The following SV2B variants were observed in gnomAD, a reference collection of about 807,000 sequenced individuals.
SV2B encodes the protein solute carrier family 22 member B2.
A neutral mutation model predicts 73.9 loss-of-function variants in SV2B; 41 were observed. That is an observed-to-expected ratio of 0.56 (90% CI 0.43 to 0.72). The LOEUF (loss-of-function observed/expected upper bound fraction) is 0.72, where lower values mean the gene tolerates loss of function less well. SV2B is among the 30% of genes least tolerant of loss of function. The pLI, the probability that SV2B is intolerant of heterozygous loss-of-function variation, is 0.00. For missense variants in SV2B, 764 were observed against 857.8 expected, an observed-to-expected ratio of 0.89 and a Z score of 1.37; for synonymous variants, 314 against 314.2, an observed-to-expected ratio of 1.00 and a Z score of 0.01.
At chr15:91,212,230 C>A (rs1212888556) in intron 1 of SV2B, among the ~76,000 whole-genome samples, 3 of 152,160 alleles carry the variant, frequency 2.0e-5, no homozygotes, top group African/African-American at 4.8e-5. Flanking sequence ...AAAACAAAAG[C>A]AAGAATGAAA....
rs2046585115 is a variant in SV2B at position 91,231,794 on chromosome 15, T to G, written c.451+5080T>G. On this transcript the variant is annotated intron_variant, in intron 2 of 12. Coordinates refer to ENST00000394232, the MANE Select transcript of SV2B (RefSeq NM_001323032.3). The surrounding 1 kb of genome is among the most constrained non-coding windows in gnomAD (Gnocchi z 4.5). ...TTGTGTATTTTATTGGCTGTTAGTTTCTTGCCGTCTGCAGTGAAAAGACTC... is the reference window on the plus strand; with the variant it reads ...TTGTGTATTTTATTGGCTGTTAGTTGCTTGCCGTCTGCAGTGAAAAGACTC... 6.6e-6 allele frequency among the ~76,000 whole-genome samples: 1 copy of G among 152,208 alleles called. No individual in the cohort carries two copies. The highest frequency in any genetic ancestry group is 2.1e-4 in the South Asian group (1 of 4,834).
chr15:91,172,764 G>A (rs2044168740), intron 1 of SV2B, among the ~76,000 whole-genome samples: 1 of 152,204 alleles, frequency 6.6e-6, no homozygotes, highest in Non-Finnish European at 1.5e-5. Flanking sequence ...CTTCATATCT[G>A]GAAGATGGTG....
In SV2B at chr15:91,226,537, G is replaced by A; in HGVS notation, c.274G>A (p.Ala92Thr). The change falls in exon 2 of 13, where the codon GCC becomes ACC. Residue 92 changes from alanine (A) to threonine (T), a missense_variant. Coordinates refer to ENST00000394232, the MANE Select transcript of SV2B (RefSeq NM_001323032.3). Reference sequence around the variant, plus strand: ...GAGGCTGGAAGATGAGGAGCAGTTGGCCCACCAGTACGAGACCATCATGGA... The same window carrying A: ...GAGGCTGGAAGATGAGGAGCAGTTGACCCACCAGTACGAGACCATCATGGA... ...AERLEDEEQLAHQYETIMDEC... is the reference protein window; with the variant it reads ...AERLEDEEQLTHQYETIMDEC... 1 of 1,614,188 alleles carries A rather than the reference G, an allele frequency of 6.2e-7. No homozygotes were observed. Among genetic ancestry groups the A allele is most frequent in the Non-Finnish European group, 8.5e-7 (1 of 1,180,034 alleles).
intron 1 of SV2B, among the ~76,000 whole-genome samples, chr15:91,150,631 A>G (rs1476328700): frequency 2.0e-5 from 3 of 152,142 alleles, no homozygotes; most frequent in Non-Finnish European, 4.4e-5. Context: ...AGCTGTCCAT[A>G]TTTCTGCCCC....
At position 91,141,404 on chromosome 15, in the gene SV2B, C is replaced by T. The variant is rs1284270906; in HGVS notation, c.-392+41041C>T. 1.3e-5 allele frequency among the ~76,000 whole-genome samples: 2 copies of T among 152,136 alleles called. No homozygotes were observed. Among genetic ancestry groups the T allele is most frequent in the East Asian group, 3.8e-4 (2 of 5,196 alleles). The stretch of plus-strand genomic sequence containing the variant: ...TTTCAGGAGCATCTTAGTAGTTTAG[C>T]TTTCTAACCTGCTCCTAATCCAGGT... On this transcript the variant is annotated intron_variant, in intron 1 of 12. Transcript: ENST00000394232. The surrounding 1 kb of genome is among the most constrained non-coding windows in gnomAD (Gnocchi z 4.6).
chr15:91,137,571 T>TATATATATTTCTC lies in SV2B; in HGVS notation c.-392+37216_-392+37217insTTCTCATATATAT, dbSNP rs2042869249. ...AGGACAAAACTAGGAAAATGTGAAA[T>TATATATATTTCTC]ATATATATATATATTTCTCATATAT... is the stretch of plus-strand genomic sequence containing the variant. On this transcript the variant is annotated intron_variant, in intron 1 of 12. Transcript: ENST00000394232. The surrounding 1 kb of genome is among the most constrained non-coding windows in gnomAD (Gnocchi z 4.9). 2.1e-5 allele frequency among the ~76,000 whole-genome samples: 2 copies of TATATATATTTCTC among 96,820 alleles called. No homozygotes were observed. The highest frequency in any genetic ancestry group is 6.9e-4 in the South Asian group (2 of 2,906). 63.5% of individuals were successfully genotyped at this position (96,820 alleles called of 152,430 possible).
rs1567035045 is a variant in SV2B, at chr15:91,296,629, G to A, written c.*4077G>A. 1 of 150,968 alleles carries A rather than the reference G, an allele frequency of 6.6e-6. No individual in the cohort carries two copies. The highest frequency in any genetic ancestry group is 2.0e-4 in the South Asian group (1 of 4,918). The allele number at this position is 150,968 out of a possible 1,614,324, so 9.4% of individuals were successfully genotyped here. A position where few individuals can be genotyped will look rare whatever the true frequency, so the allele number is the denominator to read the frequency against. On this transcript the variant is annotated 3_prime_UTR_variant, in exon 13 of 13. Coordinates refer to ENST00000394232, the MANE Select transcript of SV2B (RefSeq NM_001323032.3). ...AGCACGCTCCTTCTGCCTGATCGTT[G>A]GGAGCACACTCTTTCTGCCTGATCG...
intron 1 of SV2B, among the ~76,000 whole-genome samples, chr15:91,103,988 C>T (rs2041809584): frequency 1.3e-5 from 2 of 152,142 alleles, no homozygotes; most frequent in Admixed American, 1.3e-4. Flanking sequence ...CTGCAGACCC[C>T]TGTCATAACA....
Position 91,241,622 on chromosome 15 carries a change from C to A in SV2B, c.452-10197C>A, listed in dbSNP as rs2047018339. ...AACAACAGAAGTAACCGGAGAAGAA[C>A]TTCTATAGCCCCTGTTATCACACCT... On this transcript the variant is annotated intron_variant, in intron 2 of 12. Transcript: ENST00000394232. This position sits in a 1 kb window ranked among gnomAD's most constrained non-coding sequence, Gnocchi z 4.8. Among the ~76,000 whole-genome samples the A allele has an allele frequency of 6.6e-6, 1 of 151,668 alleles. No individual in the cohort carries two copies. The highest frequency in any genetic ancestry group is 6.6e-5 in the Admixed American group (1 of 15,254).
intron 9 of SV2B, among the ~76,000 whole-genome samples, chr15:91,270,230 T>G (rs918471691): frequency 6.6e-6 from 1 of 152,154 alleles, no homozygotes; most frequent in African/African-American, 2.4e-5. Context: ...TTGATACAAG[T>G]AATACTAATG....
Position 91,292,585 on chromosome 15 carries a change from T to C in SV2B, c.*33T>C, listed in dbSNP as rs2049082265. 1 of 1,597,892 alleles carries C rather than the reference T, an allele frequency of 6.3e-7. No homozygotes were observed. Among genetic ancestry groups the C allele is most frequent in the Non-Finnish European group, 8.5e-7 (1 of 1,172,924 alleles). On this transcript the variant is annotated 3_prime_UTR_variant, in exon 13 of 13. Coordinates refer to ENST00000394232, the MANE Select transcript of SV2B (RefSeq NM_001323032.3). The stretch of plus-strand genomic sequence containing the variant: ...ATGGGAAAAGGAAAGGTCGAGAGAA[T>C]CTTGTCCAGGACACTGAAATGCATC...
At position 91,236,636 on chromosome 15, in the gene SV2B, TG is replaced by T. The variant is rs1319857733; in HGVS notation, c.451+9924del. ...TATAGAATCATAAAGGACTTTATTC[TG>T]GTTATCTATTATTACATATCAAACA... On this transcript the variant is annotated intron_variant, in intron 2 of 12. Transcript: ENST00000394232. This position sits in a 1 kb window ranked among gnomAD's most constrained non-coding sequence, Gnocchi z 4.1. Among the ~76,000 whole-genome samples, 4 of 152,226 alleles carry T rather than the reference TG, an allele frequency of 2.6e-5. No homozygotes were observed.
At chr15:91,228,582 T>C (rs954648867) in intron 2 of SV2B, among the ~76,000 whole-genome samples, 3 of 152,222 alleles carry the variant, frequency 2.0e-5, no homozygotes, top group Non-Finnish European at 1.5e-5. Context: ...TCTGGCACCG[T>C]GGTGCCTGGC....
At chr15:91,133,554 A>C (rs1304331346) in intron 1 of SV2B, among the ~76,000 whole-genome samples, 1 of 152,090 alleles carries the variant, frequency 6.6e-6, no homozygotes, top group Non-Finnish European at 1.5e-5. Flanking sequence ...GCAGATGTCA[A>C]TTTATTGAGC....
chr15:91,142,443 A>G (rs1470403544), intron 1 of SV2B, among the ~76,000 whole-genome samples: 1 of 152,192 alleles, frequency 6.6e-6, no homozygotes, highest in East Asian at 1.9e-4. Context: ...CCAAGCCTAA[A>G]TATTTAAGTA....
intron 1 of SV2B, among the ~76,000 whole-genome samples, chr15:91,161,756 T>G (rs2043726476): frequency 6.6e-6 from 1 of 152,236 alleles, no homozygotes; most frequent in African/African-American, 2.4e-5. Flanking sequence ...TTTTCTCCAC[T>G]CTGCCTATAG....
Position 91,231,020 on chromosome 15 carries a change from GTCTT to G in SV2B, c.451+4311_451+4314del, listed in dbSNP as rs1167102901. Among the ~76,000 whole-genome samples, 1 of 152,086 alleles carries G rather than the reference GTCTT, an allele frequency of 6.6e-6. No individual in the cohort carries two copies. The highest frequency in any genetic ancestry group is 1.5e-5 in the Non-Finnish European group (1 of 68,024). On this transcript the variant is annotated intron_variant, in intron 2 of 12. Transcript: ENST00000394232. The surrounding 1 kb of genome is among the most constrained non-coding windows in gnomAD (Gnocchi z 4.5). ...TTGTGTGACCTTGGGCCAATCTGAA[GTCTT>G]TCTTCTGAGATTCCACAGTTTTTGG...
intron 1 of SV2B, among the ~76,000 whole-genome samples, chr15:91,190,869 T>C (rs1463425217): frequency 6.6e-6 from 1 of 152,044 alleles, no homozygotes; most frequent in African/African-American, 2.4e-5. Context: ...CTTCTCTCTG[T>C]AGTTTTATCA....
chr15:91,235,881 A>G (rs923322546), intron 2 of SV2B, among the ~76,000 whole-genome samples: 2 of 152,226 alleles, frequency 1.3e-5, no homozygotes, highest in African/African-American at 4.8e-5. Flanking sequence ...GTCTGGAAAG[A>G]GAGGGAGATG....
Sources: gnomAD v4.1 joint callset for allele counts (sites outside exome capture counted in the v4.1 genomes callset) on GRCh38, gnomAD v4.1.1 for gene constraint, Gnocchi (gnomAD v3.1) non-coding constraint, MANE v1.5 for transcripts, NCBI Gene and HGNC (gene_info 2026-07-23, HGNC 2026-07-21) for gene names.